Variants in ADGRV1 observed in about 807,000 individuals in gnomAD.
The protein encoded by ADGRV1 is G-protein coupled receptor 98.
In ADGRV1, 359 loss-of-function variants were observed where a neutral mutation model predicts 596.2. The ratio of observed to expected loss-of-function variants is 0.60; its 90% CI spans 0.55 to 0.66. The LOEUF is 0.66. ADGRV1 is among the 30% of genes least tolerant of loss of function. The probability of loss-of-function intolerance (pLI) is 0.00; values close to 1 mark genes in which losing one functional copy is unlikely to be tolerated. For missense variants in ADGRV1, 7,274 were observed against 7,575.6 expected (o/e 0.96, Z 1.48); for synonymous variants, 2,681 against 2,679.2 (o/e 1.00, Z -0.02).
chr5:90,887,867 T>C (rs768318564), intron 83 of ADGRV1, among the ~76,000 whole-genome samples: 2 of 152,156 alleles, frequency 1.3e-5, no homozygotes, highest in African/African-American at 2.4e-5. Context: ...TAATTCACAA[T>C]AGCATTTTTG....
chr5:90,590,812 A>G (rs976461989), intron 1 of ADGRV1, among the ~76,000 whole-genome samples: 3 of 152,214 alleles, frequency 2.0e-5, no homozygotes, highest in Non-Finnish European at 2.9e-5. Context: ...GTCATGTTAT[A>G]TATTCATTTA....
chr5:90,803,776 AATTG>A (rs1352190015), intron 71 of ADGRV1, among the ~76,000 whole-genome samples: 1 of 151,946 alleles, frequency 6.6e-6, no homozygotes, highest in East Asian at 1.9e-4. Flanking sequence ...GAGGAAATAG[AATTG>A]ATTAATGCTT....
At chr5:90,716,330 G>A (rs374609174) in intron 42 of ADGRV1, 137 bp from the exon 43 acceptor site, 1 of 500,124 alleles carries the variant, frequency 2.0e-6, no homozygotes, top group African/African-American at 1.9e-5. Flanking sequence ...AAAAAATTCT[G>A]TCATTTTTAA....
intron 52 of ADGRV1, among the ~76,000 whole-genome samples, chr5:90,746,645 G>A (rs1336904169): frequency 6.6e-6 from 1 of 152,138 alleles, no homozygotes; most frequent in Non-Finnish European, 1.5e-5. Flanking sequence ...TCATTTGGTT[G>A]TTTGAAAGCT....
chr5:90,790,401 T>A (rs571637456), intron 69 of ADGRV1, among the ~76,000 whole-genome samples: 1 of 152,362 alleles, frequency 6.6e-6, no homozygotes, highest in East Asian at 1.9e-4. Context: ...TAACTGGTGC[T>A]TCTTCAGTTG....
At chr5:90,754,202 GA>G (rs1344403977) in intron 54 of ADGRV1, among the ~76,000 whole-genome samples, 61 of 152,086 alleles carry the variant, frequency 4.0e-4, no homozygotes, top group Admixed American at 1.3e-3. Flanking sequence ...GCAACACAAT[GA>G]AATGTGTACA....
At chr5:90,976,269 T>A (rs1017854919) in intron 84 of ADGRV1, among the ~76,000 whole-genome samples, 13 of 146,194 alleles carry the variant, frequency 8.9e-5, no homozygotes, top group African/African-American at 3.3e-4. Context: ...AGTGTATATA[T>A]GTTTACGTGT....
chr5:91,105,456 C>T (rs902283410), intron 87 of ADGRV1, among the ~76,000 whole-genome samples: 3 of 152,102 alleles, frequency 2.0e-5, no homozygotes, highest in Non-Finnish European at 2.9e-5. Context: ...TTCCCACCAG[C>T]GGTGTAGAAG....
At chr5:90,921,796 GTTTTTTT>G (rs571601390) in intron 83 of ADGRV1, among the ~76,000 whole-genome samples, 1 of 124,410 alleles carries the variant, frequency 8.0e-6, no homozygotes, top group Non-Finnish European at 1.7e-5. Context: ...GTTGTGTCTT[GTTTTTTT>G]TTTTTTTTTT....
At chr5:90,926,831 G>C (rs1774529722) in intron 83 of ADGRV1, among the ~76,000 whole-genome samples, 1 of 151,322 alleles carries the variant, frequency 6.6e-6, no homozygotes, top group African/African-American at 2.4e-5. Context: ...CTGGTATGTT[G>C]TGTCTTTGTT....
At chr5:90,688,531 T>C (rs1746012607) in intron 29 of ADGRV1, among the ~76,000 whole-genome samples, 1 of 151,946 alleles carries the variant, frequency 6.6e-6, no homozygotes, top group Admixed American at 6.6e-5. Context: ...AATTTTTGTA[T>C]TTTTTAGTAG....
chr5:90,811,677 C>G (rs1197080447), intron 74 of ADGRV1, among the ~76,000 whole-genome samples: 1 of 151,686 alleles, frequency 6.6e-6, no homozygotes, highest in Non-Finnish European at 1.5e-5. Context: ...AATTTACCAG[C>G]TACTTTCAGT....
rs762362349 is a variant in ADGRV1, at chr5:90,684,124, C to G, written c.6203C>G (p.Pro2068Arg). The G allele has an allele frequency of 6.2e-7, 1 of 1,613,820 alleles. No homozygotes were observed. Among genetic ancestry groups the G allele is most frequent in the Non-Finnish European group, 8.5e-7 (1 of 1,179,836 alleles). ...IAISILDDDE[P>R]ERSESVFIEL... ...ATTTCAATTTTGGATGATGATGAGCCAGAAAGGTCCGAATCTGTCTTTATC... is the reference window on the plus strand; with the variant it reads ...ATTTCAATTTTGGATGATGATGAGCGAGAAAGGTCCGAATCTGTCTTTATC... The change falls in exon 28 of 90, where the codon CCA becomes CGA. Residue 2068 changes from proline to arginine, a missense_variant. Around this residue, in one of 5 missense-constraint regions of ADGRV1, gnomAD observed 3,643 missense variants for 3,809.2 expected, o/e 0.96. Coordinates refer to ENST00000405460, the MANE Select transcript of ADGRV1 (RefSeq NM_032119.4).
intron 83 of ADGRV1, among the ~76,000 whole-genome samples, chr5:90,900,783 A>T (rs1771766910): frequency 6.6e-6 from 1 of 152,164 alleles, no homozygotes; most frequent in Admixed American, 6.6e-5. Flanking sequence ...GCATAGTTGG[A>T]ATCAAAGAGG....
At chr5:91,001,466 G>A (rs1030351266) in intron 85 of ADGRV1, among the ~76,000 whole-genome samples, 1 of 152,036 alleles carries the variant, frequency 6.6e-6, no homozygotes, top group Admixed American at 6.6e-5. Context: ...GTCATAATAT[G>A]TTATTGTTTT....
At chr5:90,632,768 A>C (rs948098570) in intron 9 of ADGRV1, among the ~76,000 whole-genome samples, 1 of 152,186 alleles carries the variant, frequency 6.6e-6, no homozygotes, top group African/African-American at 2.4e-5. Flanking sequence ...TTTCAGACTC[A>C]ATTCTTTATG....
At chr5:91,124,889 T>C (rs1278176787) in intron 87 of ADGRV1, among the ~76,000 whole-genome samples, 1 of 152,216 alleles carries the variant, frequency 6.6e-6, no homozygotes, top group East Asian at 1.9e-4. Context: ...TTTTAACTAT[T>C]GAATACTAAA....
chr5:90,963,451 A>G (rs1426066911), intron 83 of ADGRV1, among the ~76,000 whole-genome samples: 1 of 152,134 alleles, frequency 6.6e-6, no homozygotes, highest in Non-Finnish European at 1.5e-5. Flanking sequence ...GTTGTGGTGC[A>G]TTCTAGAAAG....
At chr5:91,137,732 A>G (rs1032219615) in intron 87 of ADGRV1, among the ~76,000 whole-genome samples, 1 of 152,242 alleles carries the variant, frequency 6.6e-6, no homozygotes, top group Non-Finnish European at 1.5e-5. Flanking sequence ...AACTCCTGGT[A>G]GAATTCCAAT....
Sources: gnomAD v4.1 joint callset for allele counts (sites outside exome capture counted in the v4.1 genomes callset) on GRCh38, gnomAD v4.1.1 for gene constraint, gnomAD v4.1.1 regional missense constraint, MANE v1.5 for transcripts, NCBI Gene and HGNC (gene_info 2026-07-23, HGNC 2026-07-21) for gene names.